RNF150: variants seen among roughly 807,000 people sequenced by gnomAD.
RNF150 encodes the protein ring finger protein 150.
RNF150 carries 24 observed loss-of-function variants against 39.3 expected under a neutral mutation model. The observed-to-expected ratio is 0.61, with a 90% CI of 0.44 to 0.86. The LOEUF is 0.86. Ranked by LOEUF, RNF150 falls within the 40% of genes least tolerant of loss-of-function variation. The pLI, the probability that RNF150 is intolerant of heterozygous loss-of-function variation, is 0.00. For missense variants in RNF150, 502 were observed against 587.8 expected (o/e 0.85, Z 1.51); for synonymous variants, 255 against 227.3 (o/e 1.12, Z -1.10).
chr4:141,133,680 G>C (rs960229817), upstream of RNF150, among the ~76,000 whole-genome samples: 3 of 152,008 alleles, frequency 2.0e-5, no homozygotes, highest in African/African-American at 4.8e-5. Flanking sequence ...TTGAGTACGG[G>C]AATAACTTCC....
chr4:141,057,699 C>T (rs188696622), intron 1 of RNF150, among the ~76,000 whole-genome samples: 2 of 152,246 alleles, frequency 1.3e-5, no homozygotes, highest in Admixed American at 6.5e-5. Flanking sequence ...ACCTCTTTGA[C>T]ATGCATCAGC....
chr4:140,910,215 C>A (rs114779334), intron 6 of RNF150, among the ~76,000 whole-genome samples: 1 of 152,102 alleles, frequency 6.6e-6, no homozygotes, highest in East Asian at 1.9e-4. Flanking sequence ...AGAAAATACC[C>A]TCAAATGCTT....
intron 1 of RNF150, among the ~76,000 whole-genome samples, chr4:141,186,501 C>T (rs1728015082): frequency 6.6e-6 from 1 of 152,066 alleles, no homozygotes; most frequent in Non-Finnish European, 1.5e-5. Flanking sequence ...CGGGTTCGTG[C>T]CATTCTCCTG....
chr4:140,940,015 T>C (rs1057513955), intron 4 of RNF150, among the ~76,000 whole-genome samples: 5 of 152,196 alleles, frequency 3.3e-5, no homozygotes, highest in Non-Finnish European at 5.9e-5. Context: ...CAGATCCCTC[T>C]TAACCATGCT....
chr4:141,067,818 C>T (rs1437985489), intron 1 of RNF150, among the ~76,000 whole-genome samples: 1 of 152,042 alleles, frequency 6.6e-6, no homozygotes, highest in African/African-American at 2.4e-5. Flanking sequence ...ACATACATGT[C>T]AAAAAGCCCA....
At chr4:141,108,661 C>A (rs1213843106) in intron 1 of RNF150, among the ~76,000 whole-genome samples, 1 of 152,012 alleles carries the variant, frequency 6.6e-6, no homozygotes, top group East Asian at 1.9e-4. Context: ...ATCTTAAAAC[C>A]AGTGGTGATT....
intron 1 of RNF150, among the ~76,000 whole-genome samples, chr4:141,072,425 T>A (rs1313115292): frequency 6.6e-6 from 1 of 152,128 alleles, no homozygotes; most frequent in East Asian, 1.9e-4. Flanking sequence ...CTAATGCCCA[T>A]TGTGTTTTGT....
intron 4 of RNF150, among the ~76,000 whole-genome samples, chr4:140,947,452 G>GA (rs1732362125): frequency 6.6e-6 from 1 of 152,118 alleles, no homozygotes; most frequent in South Asian, 2.1e-4. Flanking sequence ...TAGGGGATCA[G>GA]AAAAATATTT....
At chr4:140,876,072 A>C (rs1729143797) in intron 6 of RNF150, among the ~76,000 whole-genome samples, 1 of 152,194 alleles carries the variant, frequency 6.6e-6, no homozygotes, top group African/African-American at 2.4e-5. Context: ...TGGTGTTTGC[A>C]TGCTGGGAGT....
rs1182362099 is a variant in RNF150, at chr4:140,861,118, A to C, written c.*7143T>G. On this transcript the variant is annotated 3_prime_UTR_variant, in exon 7 of 7. Transcript: ENST00000515673. ...AACCATCTCAGATTACTAATGTGAA[A>C]GCAGGAAGTAAATATATTATGTACA... The C allele has an allele frequency of 2.6e-5, 4 of 152,212 alleles. No homozygotes were observed. The East Asian group carries it at 7.7e-4, about 29-fold the overall frequency. 9.4% of individuals were successfully genotyped at this position (152,212 alleles called of 1,614,324 possible). A position where few individuals can be genotyped will look rare whatever the true frequency, so the allele number is the denominator to read the frequency against.
chr4:140,978,521 T>C (rs919676425), intron 1 of RNF150, among the ~76,000 whole-genome samples: 6 of 152,212 alleles, frequency 3.9e-5, no homozygotes, highest in Admixed American at 1.3e-4. Context: ...GAATTATTTA[T>C]GAATTTGTGG....
intron 1 of RNF150, among the ~76,000 whole-genome samples, chr4:140,969,946 T>C (rs1046966416): frequency 6.6e-6 from 1 of 151,972 alleles, no homozygotes; most frequent in Non-Finnish European, 1.5e-5. Flanking sequence ...GTCTTTTTAG[T>C]AGAGACAGAG....
At chr4:141,071,828 G>T (rs988702548) in intron 1 of RNF150, among the ~76,000 whole-genome samples, 45 of 152,148 alleles carry the variant, frequency 3.0e-4, no homozygotes, top group Non-Finnish European at 5.7e-4. Flanking sequence ...CACTGCATTT[G>T]TACAGTCCCA....
intron 1 of RNF150, among the ~76,000 whole-genome samples, chr4:141,194,835 A>G (rs933837679): frequency 6.6e-6 from 1 of 152,088 alleles, no homozygotes; most frequent in African/African-American, 2.4e-5. Context: ...TCAAATCCTA[A>G]CTCTGCTACT....
At chr4:141,032,270 C>T (rs973743570) in intron 1 of RNF150, among the ~76,000 whole-genome samples, 3 of 152,050 alleles carry the variant, frequency 2.0e-5, no homozygotes, top group African/African-American at 7.2e-5. Flanking sequence ...TGATGGTGGC[C>T]AGAGACTAGG....
intron 1 of RNF150, among the ~76,000 whole-genome samples, chr4:141,080,935 G>A (rs754527184): frequency 6.6e-6 from 1 of 152,198 alleles, no homozygotes; most frequent in Non-Finnish European, 1.5e-5. Context: ...AAGTCTGATC[G>A]CCAAACGAGA....
intron 4 of RNF150, among the ~76,000 whole-genome samples, chr4:140,931,954 C>T (rs1035590940): frequency 6.6e-6 from 1 of 152,160 alleles, no homozygotes; most frequent in Non-Finnish European, 1.5e-5. Flanking sequence ...AATTTAATGA[C>T]ATTTTTTCCC....
chr4:141,170,562 G>T (rs1206340133), intron 1 of RNF150, among the ~76,000 whole-genome samples: 1 of 152,046 alleles, frequency 6.6e-6, no homozygotes, highest in East Asian at 1.9e-4. Flanking sequence ...TTCTGTCTCT[G>T]CAAAGGAGAG....
intron 1 of RNF150, among the ~76,000 whole-genome samples, chr4:141,015,061 C>A (rs1578633447): frequency 6.6e-6 from 1 of 152,186 alleles, no homozygotes; most frequent in African/African-American, 2.4e-5. Flanking sequence ...TTCTCAACAC[C>A]ATTTATTGAA....
Sources: gnomAD v4.1 joint callset for allele counts (sites outside exome capture counted in the v4.1 genomes callset) on GRCh38, gnomAD v4.1.1 for gene constraint, MANE v1.5 for transcripts, NCBI Gene and HGNC (gene_info 2026-07-23, HGNC 2026-07-21) for gene names.